The following SLC39A11 variants were observed in gnomAD, a reference collection of about 807,000 sequenced individuals.
The protein encoded by SLC39A11 is zinc transporter ZIP11.
Under a neutral mutation model 36.1 loss-of-function variants are expected in SLC39A11, and 33 were observed. That is an observed-to-expected ratio of 0.91 (90% confidence interval 0.69 to 1.22). The LOEUF is 1.22. SLC39A11 is among the 50% of genes most tolerant of loss of function. SLC39A11 has a pLI of 0.00. For synonymous variants in SLC39A11, 166 were observed against 170.3 expected (o/e 0.97, Z 0.20); for missense variants, 432 against 430.3 (o/e 1.00, Z -0.03).
intron 4 of SLC39A11, among the ~76,000 whole-genome samples, chr17:73,024,864 A>ATTTTTTTTTTTT (rs1163840820): frequency 0.057 from 5,493 of 96,904 alleles, 3 homozygotes; most frequent in Non-Finnish European, 0.082. Flanking sequence ...TGCCCAGCTA[A>ATTTTTTTTTTTT]TTTTTTTTTT....
At chr17:73,006,687 C>CACAT (rs2090199507) in intron 4 of SLC39A11, among the ~76,000 whole-genome samples, 1 of 151,816 alleles carries the variant, frequency 6.6e-6, no homozygotes, top group Admixed American at 6.6e-5. Flanking sequence ...CATGCACACA[C>CACAT]GCACCCCTAC....
chr17:73,015,494 C>A (rs7221943), intron 4 of SLC39A11, among the ~76,000 whole-genome samples: 15,660 of 152,206 alleles, frequency 0.1, 1,249 homozygotes, highest in African/African-American at 0.22. Context: ...TTTCAATGTA[C>A]CCTGTATGCC....
intron 7 of SLC39A11, among the ~76,000 whole-genome samples, chr17:72,726,509 T>TACAC (rs141001121): frequency 6.6e-6 from 1 of 151,922 alleles, no homozygotes; most frequent in East Asian, 1.9e-4. Context: ...AGATCCTGTC[T>TACAC]ACACACACAC....
At chr17:72,670,701 A>T (rs2070986040) in intron 7 of SLC39A11, among the ~76,000 whole-genome samples, 1 of 152,166 alleles carries the variant, frequency 6.6e-6, no homozygotes, top group East Asian at 1.9e-4. Flanking sequence ...CTCCTTCAGG[A>T]TGGCTCCCTT....
At chr17:72,886,588 C>T (rs1022058931) in intron 5 of SLC39A11, among the ~76,000 whole-genome samples, 4 of 152,180 alleles carry the variant, frequency 2.6e-5, no homozygotes, top group Admixed American at 6.5e-5. Flanking sequence ...CACCCTTGTC[C>T]GCCAGCTCCC....
At chr17:72,872,623 G>C (rs2080693862) in intron 5 of SLC39A11, among the ~76,000 whole-genome samples, 2 of 152,228 alleles carry the variant, frequency 1.3e-5, no homozygotes, top group South Asian at 4.1e-4. Flanking sequence ...CATAGGCCAA[G>C]CTAGCTACAG....
intron 3 of SLC39A11, among the ~76,000 whole-genome samples, chr17:73,040,123 C>T (rs964235594): frequency 6.6e-6 from 1 of 152,170 alleles, no homozygotes; most frequent in African/African-American, 2.4e-5. Context: ...CAAGAAAACC[C>T]AGCACTAGAA....
At chr17:72,894,406 A>ATGCC (rs1332625985) in intron 5 of SLC39A11, among the ~76,000 whole-genome samples, 1 of 142,104 alleles carries the variant, frequency 7.0e-6, no homozygotes, top group Admixed American at 7.2e-5. Context: ...ACGGTGACTC[A>ATGCC]TGCCTGTAAT....
At chr17:72,745,185 C>T (rs376160552) in intron 6 of SLC39A11, among the ~76,000 whole-genome samples, 2 of 152,322 alleles carry the variant, frequency 1.3e-5, no homozygotes, top group South Asian at 2.1e-4. Context: ...CAGCACCTGA[C>T]ATTTATGGGC....
intron 3 of SLC39A11, among the ~76,000 whole-genome samples, chr17:73,044,649 G>A (rs2059213130): frequency 6.6e-6 from 1 of 152,072 alleles, no homozygotes; most frequent in Admixed American, 6.6e-5. Flanking sequence ...CGAGGCAGGT[G>A]GATCACTTGA....
chr17:73,047,210 C>A lies in SLC39A11; in HGVS notation c.148-15496G>T, dbSNP rs529303447. Among the ~76,000 whole-genome samples the A allele has an allele frequency of 3.8e-4, 58 of 151,640 alleles. 1 individual carries two copies. Among genetic ancestry groups the A allele is most frequent in the Middle Eastern group, 3.4e-3 (1 of 294 alleles). ...CGGCTAATTTTTTGTGTTTTTAGCA[C>A]AGATGGGGTTGCACCGTGTTAGCCA... On this transcript the variant is annotated intron_variant, in intron 3 of 9. Coordinates refer to ENST00000255559, the MANE Select transcript of SLC39A11 (RefSeq NM_139177.4).
At chr17:72,689,886 T>C (rs527465416) in intron 7 of SLC39A11, among the ~76,000 whole-genome samples, 5 of 152,288 alleles carry the variant, frequency 3.3e-5, no homozygotes, top group African/African-American at 7.2e-5. Context: ...TTGTACAACA[T>C]TGACAGTACT....
At chr17:72,906,094 G>A (rs969790425) in intron 5 of SLC39A11, among the ~76,000 whole-genome samples, 2 of 152,168 alleles carry the variant, frequency 1.3e-5, no homozygotes, top group Non-Finnish European at 2.9e-5. Context: ...GGTTCACAAC[G>A]AGCTAGAGTA....
Position 73,031,700 on chromosome 17 carries a change from A to AG in SLC39A11, c.161dup (p.Ser55PhefsTer11). 1.2e-6 allele frequency: 2 copies of AG among 1,613,760 alleles called. No homozygotes were observed. Among genetic ancestry groups the AG allele is most frequent in the Non-Finnish European group, 1.7e-6 (2 of 1,179,956 alleles). ...CTGGGGCCAGAAGAGACCAATAGGAAGCTGCCAACATGACCTACAAAAACC... is the reference window on the plus strand; with the variant it reads ...CTGGGGCCAGAAGAGACCAATAGGAAGGCTGCCAACATGACCTACAAAAACC... On this transcript the variant is annotated frameshift_variant, in exon 4 of 10. Transcript: ENST00000255559. LOFTEE classifies it high-confidence loss of function.
At chr17:72,778,101 C>T (rs1889942130) in intron 6 of SLC39A11, among the ~76,000 whole-genome samples, 1 of 152,096 alleles carries the variant, frequency 6.6e-6, no homozygotes, top group African/African-American at 2.4e-5. Context: ...GATGGGGTTT[C>T]ACCATGTTGG....
intron 5 of SLC39A11, among the ~76,000 whole-genome samples, chr17:72,922,006 C>G (rs2083693069): frequency 6.6e-6 from 1 of 152,170 alleles, no homozygotes; most frequent in Non-Finnish European, 1.5e-5. Flanking sequence ...ATTATAATTA[C>G]AAATGAAGAC....
At chr17:72,751,470 T>C (rs998175583) in intron 6 of SLC39A11, among the ~76,000 whole-genome samples, 1 of 152,208 alleles carries the variant, frequency 6.6e-6, no homozygotes, top group Non-Finnish European at 1.5e-5. Context: ...TGTGATAAAA[T>C]GTGAATGAAT....
intron 4 of SLC39A11, among the ~76,000 whole-genome samples, chr17:72,979,950 A>C (rs1346416828): frequency 6.6e-6 from 1 of 152,056 alleles, no homozygotes; most frequent in Non-Finnish European, 1.5e-5. Context: ...AAAATGGTGC[A>C]TCCTTCTCCC....
chr17:72,687,276 T>A (rs1226079368), intron 7 of SLC39A11, among the ~76,000 whole-genome samples: 1 of 151,856 alleles, frequency 6.6e-6, no homozygotes, highest in Non-Finnish European at 1.5e-5. Flanking sequence ...ATTTTTTTTT[T>A]AGACAGTCTC....
Sources: gnomAD v4.1 joint callset for allele counts (sites outside exome capture counted in the v4.1 genomes callset) on GRCh38, gnomAD v4.1.1 for gene constraint, MANE v1.5 for transcripts, NCBI Gene and HGNC (gene_info 2026-07-23, HGNC 2026-07-21) for gene names.